The following MADD variants were observed in gnomAD, a reference collection of about 807,000 sequenced individuals.
The protein encoded by MADD is MAP kinase-activating death domain protein.
Under a neutral mutation model 176.7 loss-of-function variants are expected in MADD, and 109 were observed. The observed-to-expected ratio is 0.62, with a 90% confidence interval of 0.53 to 0.72. The LOEUF (loss-of-function observed/expected upper bound fraction) is 0.72. MADD is among the 30% of genes least tolerant of loss of function. The pLI is 0.00. For missense variants in MADD, 1,914 were observed against 2,045.5 expected (o/e 0.94, Z 1.24); for synonymous variants, 771 against 771.3 (o/e 1.00, Z 0.01).
exon 15 of MADD, chr11:47,286,518 C>G (rs765549181): frequency 6.2e-7 from 1 of 1,613,466 alleles, no homozygotes; most frequent in South Asian, 1.1e-5. Context: ...AGGCCACGCC[C>G]TTCCCCAGTC....
At chr11:47,288,932 G>C in intron 15 of MADD, 36 bp from the exon 16 acceptor site, 1 of 1,495,826 alleles carries the variant, frequency 6.7e-7, no homozygotes, top group Non-Finnish European at 9.2e-7. Flanking sequence ...TTGCGGTATT[G>C]TGGTACACCT....
At chr11:47,286,660 C>T in intron 15 of MADD, 126 bp downstream of exon 15, 1 of 674,384 alleles carries the variant, frequency 1.5e-6, no homozygotes. Flanking sequence ...TGTTGCTCCT[C>T]ATGGCTTTCA....
chr11:47,310,642 A>T (rs1021608557), intron 25 of MADD, among the ~76,000 whole-genome samples: 19 of 152,134 alleles, frequency 1.2e-4, no homozygotes, highest in Non-Finnish European at 2.1e-4. Flanking sequence ...GCGGTGGCTC[A>T]TGCCTGTAAT....
intron 16 of MADD, 89 bp from the exon 18 acceptor site, chr11:47,289,778 C>A (rs571603623): frequency 1.5e-5 from 22 of 1,436,924 alleles, no homozygotes; most frequent in Middle Eastern, 2.4e-4. Flanking sequence ...GTGTTTTACC[C>A]CTGGAGGCAG....
exon 17 of MADD, chr11:47,289,898 C>T (rs374828294): frequency 1.2e-6 from 2 of 1,613,842 alleles, no homozygotes; most frequent in Non-Finnish European, 1.7e-6. Context: ...GGAGGTGGTG[C>T]ACAGCGTGCT....
intron 22 of MADD, among the ~76,000 whole-genome samples, chr11:47,296,961 G>C (rs1027254972): frequency 6.6e-5 from 10 of 151,938 alleles, no homozygotes; most frequent in African/African-American, 1.7e-4. Context: ...TTTTTGTAGA[G>C]ATGGGGTTTC....
chr11:47,284,942 A>G (rs774852288), exon 13 of MADD: 1 of 1,613,568 alleles, frequency 6.2e-7, no homozygotes, highest in South Asian at 1.1e-5. Flanking sequence ...GGCCTTTAGG[A>G]ACCTGCTGAC....
chr11:47,297,789 C>CTTTTTT (rs35063043), intron 22 of MADD, among the ~76,000 whole-genome samples: 27 of 113,382 alleles, frequency 2.4e-4, no homozygotes, highest in South Asian at 1.1e-3. Flanking sequence ...TTCTTTCTTT[C>CTTTTTT]TTTTTTTTTT....
chr11:47,271,343 AGT>A (rs1179921342), intron 1 of MADD, among the ~76,000 whole-genome samples: 1 of 152,190 alleles, frequency 6.6e-6, no homozygotes, highest in African/African-American at 2.4e-5. Context: ...GGAAAATCTT[AGT>A]TATCTTTGCA....
intron 31 of MADD, 105 bp downstream of exon 35, chr11:47,326,912 G>A: frequency 6.5e-7 from 1 of 1,535,936 alleles, no homozygotes; most frequent in Non-Finnish European, 8.7e-7. Flanking sequence ...AACCTCTGTA[G>A]AGAAGTCAGG....
At chr11:47,302,316 C>T (rs1048766345) in intron 22 of MADD, among the ~76,000 whole-genome samples, 2 of 152,086 alleles carry the variant, frequency 1.3e-5, no homozygotes, top group African/African-American at 2.4e-5. Flanking sequence ...TGGGTTCAAG[C>T]GATTCTCCTG....
chr11:47,294,843 A>G (rs902606128), intron 20 of MADD, among the ~76,000 whole-genome samples: 2 of 152,244 alleles, frequency 1.3e-5, no homozygotes, highest in African/African-American at 4.8e-5. Flanking sequence ...AGCTACCTAT[A>G]GTGTGACTCC....
chr11:47,290,222 A>G (rs199526671), exon 18 of MADD: 6 of 1,614,122 alleles, frequency 3.7e-6, no homozygotes, highest in Admixed American at 1.7e-5. Flanking sequence ...GAGCAGTCCT[A>G]TGCCCACGCG....
In MADD at chr11:47,311,689, G is replaced by A; in HGVS notation, c.3979-43G>A. 3 of 1,209,776 alleles carry A rather than the reference G, an allele frequency of 2.5e-6. 1 individual carries two copies. In the South Asian group the frequency reaches 3.6e-5, roughly 15 times the overall value. 74.9% of individuals were successfully genotyped at this position (1,209,776 alleles called of 1,614,324 possible). Reference sequence around the variant, plus strand: ...TCTCTTTTCTCTACCTCAGTCGGGAGGAGAGCAGATCCCTTGTTAAGAGTC... The same window carrying A: ...TCTCTTTTCTCTACCTCAGTCGGGAAGAGAGCAGATCCCTTGTTAAGAGTC... On this transcript the variant is annotated intron_variant, in intron 25 of 32. Coordinates refer to ENST00000402192, the Ensembl canonical transcript of MADD.
exon 3 of MADD, chr11:47,275,007 C>A (rs1247168527): frequency 6.2e-7 from 1 of 1,614,264 alleles, no homozygotes; most frequent in Non-Finnish European, 8.5e-7. Flanking sequence ...GGAGCCGCTC[C>A]CGCAACAGTA....
intron 30 of MADD, 52 bp downstream of exon 34, chr11:47,326,604 G>C (rs537394945): frequency 3.4e-6 from 5 of 1,466,152 alleles, no homozygotes; most frequent in Admixed American, 2.6e-5. Context: ...AGTTGTGTGC[G>C]TGTGGATTCT....
intron 22 of MADD, among the ~76,000 whole-genome samples, chr11:47,304,703 A>T (rs1438100586): frequency 3.9e-5 from 6 of 151,938 alleles, no homozygotes; most frequent in Non-Finnish European, 2.9e-5. Flanking sequence ...TTTCCTTAAG[A>T]TCATTACTTT....
exon 4 of MADD, chr11:47,276,145 A>G (rs2049595712): frequency 1.2e-6 from 2 of 1,613,874 alleles, no homozygotes; most frequent in Non-Finnish European, 1.7e-6. Context: ...TTCCCTTGGA[A>G]CTTCTAGGTG....
chr11:47,304,274 A>T (rs1213501922), intron 22 of MADD, among the ~76,000 whole-genome samples: 12 of 145,534 alleles, frequency 8.2e-5, no homozygotes, highest in Non-Finnish European at 1.5e-5. Context: ...CTTGTTGCCT[A>T]GGCTGGAATG....
Sources: gnomAD v4.1 joint callset for allele counts (sites outside exome capture counted in the v4.1 genomes callset) on GRCh38, gnomAD v4.1.1 for gene constraint, MANE v1.5 for transcripts, NCBI Gene and HGNC (gene_info 2026-07-23, HGNC 2026-07-21) for gene names.